The following CEP164 variants were observed in gnomAD, a reference collection of about 807,000 sequenced individuals.
The protein encoded by CEP164 is centrosomal protein of 164 kDa.
CEP164 carries 162 observed loss-of-function variants against 182.7 expected under a neutral mutation model. The ratio of observed to expected loss-of-function variants is 0.89; its 90% CI spans 0.78 to 1.01. The LOEUF (loss-of-function observed/expected upper bound fraction) is 1.01, where lower values mean the gene tolerates loss of function less well. Ranked by LOEUF, CEP164 falls within the 50% of genes least tolerant of loss-of-function variation. CEP164 has a pLI of 0.00. For synonymous variants in CEP164, 661 were observed against 690.0 expected, an observed-to-expected ratio of 0.96 and a Z score of 0.66; for missense variants, 1,735 against 1,790.4, an observed-to-expected ratio of 0.97 and a Z score of 0.56.
intron 25 of CEP164, 52 bp from the exon 26 acceptor site, chr11:117,396,490 GAACCTGCA>G (rs2045481239): frequency 7.1e-7 from 1 of 1,417,286 alleles, no homozygotes. Flanking sequence ...TTGGGGTCTT[GAACCTGCA>G]GGGTGTCTGC....
chr11:117,355,622 T>A, intron 5 of CEP164: 1 of 1,197,954 alleles, frequency 8.3e-7, no homozygotes, highest in Non-Finnish European at 1.1e-6. Context: ...CAAGTTGTTG[T>A]TAGATAGCAG....
Position 117,393,214 on chromosome 11 carries a change from C to T in CEP164, c.2616+88C>T, listed in dbSNP as rs192529574. On this transcript the variant is annotated intron_variant, in intron 20 of 32. Coordinates refer to ENST00000278935, the MANE Select transcript of CEP164 (RefSeq NM_014956.5). ...ACACACACATGCACACACACATGCA[C>T]GCACATGCACACACACCCCGGGGTC... The T allele has an allele frequency of 4.7e-5, 72 of 1,521,688 alleles. No homozygotes were observed. The East Asian group carries it at 1.1e-3, about 23-fold the overall frequency. The allele number at this position is 1,521,688 out of a possible 1,614,324, so 94.3% of individuals were successfully genotyped here. A position where few individuals can be genotyped will look rare whatever the true frequency, so the allele number is the denominator to read the frequency against.
rs1054717965 is a variant in CEP164 at position 117,397,103 on chromosome 11, C to G, written c.3291C>G (p.His1097Gln). ...TCTCCTGCTCCAGCCTGTCCTCCCA[C>G]AATGTCTGGCACCTCCTCTCTGCTG... ...EDLYLDSLSS[H>Q]NVWHLLSAEG... Residue 1097 changes from histidine (H) to glutamine (Q), a missense_variant, in exon 27 of 33, where the codon CAC (histidine) becomes CAG (glutamine). Physicochemically the swap from His to Gln is conservative, Grantham distance 24. Coordinates refer to ENST00000278935, the MANE Select transcript of CEP164 (RefSeq NM_014956.5). The G allele has an allele frequency of 1.2e-5, 19 of 1,613,972 alleles. No individual in the cohort carries two copies. Among genetic ancestry groups the G allele is most frequent in the Non-Finnish European group, 1.6e-5 (19 of 1,179,902 alleles).
At chr11:117,405,464 G>A (rs778889198) in intron 27 of CEP164, among the ~76,000 whole-genome samples, 30 of 152,080 alleles carry the variant, frequency 2.0e-4, no homozygotes, top group Admixed American at 9.2e-4. Context: ...GTTTTGGCTC[G>A]CCCTCCATCG....
rs998316543 is a variant in CEP164, at chr11:117,410,844, C to T, written c.4113C>T (p.Leu1371=). 1.1e-5 allele frequency: 18 copies of T among 1,613,118 alleles called. No homozygotes were observed. Among genetic ancestry groups the T allele is most frequent in the Non-Finnish European group, 1.4e-5 (17 of 1,179,564 alleles). Residue 1371 remains leucine, a synonymous_variant, in exon 31 of 33, where the codon CTC becomes CTT. Transcript: ENST00000278935. ...CTCTTCCAGCTGGCATCCCGCTGCT[C>T]AGCAACAGCCCCACCCCGCTGGAGA... ...RKYFPSGIPL[L]SNSPTPLESR...
chr11:117,396,248 C>T (rs1395309725), intron 25 of CEP164, 68 bp downstream of exon 25: 8 of 1,537,720 alleles, frequency 5.2e-6, no homozygotes, highest in South Asian at 4.6e-5. Flanking sequence ...AGGGGCTGGG[C>T]ATCAGGGGAG....
At chr11:117,340,849 T>G (rs189692593) in intron 3 of CEP164, among the ~76,000 whole-genome samples, 1 of 152,172 alleles carries the variant, frequency 6.6e-6, no homozygotes, top group Non-Finnish European at 1.5e-5. Context: ...TACTTTCTCT[T>G]TAGAGACGGA....
intron 15 of CEP164, among the ~76,000 whole-genome samples, chr11:117,388,220 C>T (rs1007486798): frequency 1.3e-5 from 2 of 152,210 alleles, no homozygotes; most frequent in Admixed American, 6.5e-5. Context: ...CTGAGCTTGG[C>T]TGACTGTGCT....
At chr11:117,367,047 C>T (rs921894220) in intron 8 of CEP164, among the ~76,000 whole-genome samples, 10 of 152,162 alleles carry the variant, frequency 6.6e-5, no homozygotes, top group East Asian at 1.9e-4. Flanking sequence ...CTGAGGGCAA[C>T]GCTGTGTTGA....
chr11:117,353,333 C>T (rs920240273), intron 5 of CEP164, among the ~76,000 whole-genome samples: 2 of 152,194 alleles, frequency 1.3e-5, no homozygotes, highest in Admixed American at 1.3e-4. Flanking sequence ...GTAACAAGCC[C>T]ATTCCTCCAG....
rs1386967431 is a variant in CEP164 at position 117,396,565 on chromosome 11, G to A, written c.3232G>A (p.Val1078Met). The A allele has an allele frequency of 5.0e-6, 8 of 1,613,698 alleles. No homozygotes were observed. The Admixed American group carries it at 6.7e-5, about 13-fold the overall frequency. ...GTGTCCCTAGAACCAGACCAAAGAG[G>A]TGTCTTCTTCTCTCTCCCAGAGCAA... is the stretch of plus-strand genomic sequence containing the variant. ...KSLGTNQTKE[V>M]SSSLSQSKED... The change falls in exon 26 of 33, where the codon GTG becomes ATG. Residue 1078 changes from valine (V) to methionine (M), a missense_variant. Physicochemically the swap from Val to Met is conservative, Grantham distance 21. Transcript: ENST00000278935.
intron 1 of CEP164, among the ~76,000 whole-genome samples, chr11:117,330,225 A>G (rs2035980816): frequency 6.6e-6 from 1 of 152,044 alleles, no homozygotes. Flanking sequence ...ACTTCCTTTA[A>G]TTCATGTAAC....
chr11:117,370,954 A>G, intron 8 of CEP164, 126 bp from the exon 9 acceptor site: 3 of 968,180 alleles, frequency 3.1e-6, no homozygotes, highest in Non-Finnish European at 4.6e-6. Context: ...ATTGATAACC[A>G]TTGGGGCAGA....
chr11:117,354,079 C>T (rs567335139), intron 5 of CEP164, among the ~76,000 whole-genome samples: 2 of 151,248 alleles, frequency 1.3e-5, no homozygotes, highest in Admixed American at 6.6e-5. Flanking sequence ...TGCAGTGGCA[C>T]GATCTTGGAT....
At chr11:117,392,779 C>G (rs1565580940) in intron 19 of CEP164, 152 bp downstream of exon 19, 5 of 1,267,734 alleles carry the variant, frequency 3.9e-6, no homozygotes, top group Middle Eastern at 2.1e-4. Flanking sequence ...CCTTAGTTCC[C>G]TTGAAGCCAG....
Position 117,408,903 on chromosome 11 carries a change from G to A in CEP164, c.3623G>A (p.Gly1208Asp). The change falls in exon 29 of 33, where the codon GGC becomes GAC. Residue 1208 changes from glycine (G) to aspartate (D), a missense_variant. Transcript: ENST00000278935. ...SSLWEEASDEGTLGGSPTKKA... is the reference protein window; with the variant it reads ...SSLWEEASDEDTLGGSPTKKA... ...TTTACCCCACAGGCCTCAGATGAGG[G>A]CACTCTGGGAGGATCCCCCACCAAG... 1 of 1,614,156 alleles carries A rather than the reference G, an allele frequency of 6.2e-7. No homozygotes were observed. Among genetic ancestry groups the A allele is most frequent in the East Asian group, 2.2e-5 (1 of 44,878 alleles).
rs1317765862 is a variant in CEP164, at chr11:117,394,418, TGAAC to T, written c.2688_2691del (p.Arg897AsnfsTer5). 1.9e-6 allele frequency: 3 copies of T among 1,613,714 alleles called. No individual in the cohort carries two copies. The highest frequency in any genetic ancestry group is 2.5e-6 in the Non-Finnish European group (3 of 1,179,930). On this transcript the variant is annotated frameshift_variant, in exon 21 of 33. Coordinates refer to ENST00000278935, the MANE Select transcript of CEP164 (RefSeq NM_014956.5). LOFTEE classifies it high-confidence loss of function. This position sits in a 1 kb window ranked among gnomAD's most constrained non-coding sequence, Gnocchi z 4.0. Reference sequence around the variant, plus strand: ...AGCTGGAGCGCCTGCAGAGGGCCCATGAACGAGAACTGGAGACTGTGAGGCAGGA... The same window carrying T: ...AGCTGGAGCGCCTGCAGAGGGCCCATGAGAACTGGAGACTGTGAGGCAGGA...
intron 11 of CEP164, among the ~76,000 whole-genome samples, chr11:117,377,807 CA>C (rs2042911421): frequency 6.6e-6 from 1 of 152,084 alleles, no homozygotes; most frequent in Non-Finnish European, 1.5e-5. Context: ...ACCATCACCA[CA>C]AAAAACGATT....
At chr11:117,392,448 AG>A in intron 18 of CEP164, 47 bp from the exon 19 acceptor site, 3 of 1,595,158 alleles carry the variant, frequency 1.9e-6, no homozygotes, top group Non-Finnish European at 1.7e-6. Context: ...GCAGCTGTAC[AG>A]TCTGTCTGAG....
Sources: allele counts gnomAD v4.1 joint callset (sites outside exome capture counted in the v4.1 genomes callset), GRCh38; gene constraint gnomAD v4.1.1; non-coding constraint Gnocchi (gnomAD v3.1); transcripts MANE v1.5; gene names NCBI Gene and HGNC (gene_info 2026-07-23, HGNC 2026-07-21).